The following RBFOX1 variants were observed in gnomAD, a reference collection of about 807,000 sequenced individuals.
The protein encoded by RBFOX1 is RNA binding fox-1 homolog 1.
A neutral mutation model predicts 57.7 loss-of-function variants in RBFOX1; 8 were observed. The ratio of observed to expected loss-of-function variants is 0.14; its 90% confidence interval spans 0.08 to 0.25. The LOEUF (loss-of-function observed/expected upper bound fraction) is 0.25, where lower values mean the gene tolerates loss of function less well. Among genes scored for constraint, RBFOX1 ranks in the 10% least tolerant of loss-of-function variants. The pLI, the probability that RBFOX1 is intolerant of heterozygous loss-of-function variation, is 1.00. For missense variants in RBFOX1, 611 were observed against 548.5 expected (o/e 1.11, Z -1.14); for synonymous variants, 326 against 222.4 (o/e 1.47, Z -4.15).
chr16:6,801,135 T>C (rs1009499111), intron 3 of RBFOX1, among the ~76,000 whole-genome samples: 3 of 150,720 alleles, frequency 2.0e-5, no homozygotes, highest in Admixed American at 6.6e-5. Flanking sequence ...ATTTCTGATA[T>C]GCTCCTAGGT....
chr16:6,919,362 C>A (rs1364970263), intron 3 of RBFOX1, among the ~76,000 whole-genome samples: 1 of 152,102 alleles, frequency 6.6e-6, no homozygotes, highest in Non-Finnish European at 1.5e-5. Context: ...TAATTCCTCA[C>A]AACAGCCCAG....
intron 3 of RBFOX1, among the ~76,000 whole-genome samples, chr16:6,745,163 A>G (rs538155354): frequency 6.6e-6 from 1 of 152,270 alleles, no homozygotes; most frequent in South Asian, 2.1e-4. Flanking sequence ...CCTGATATAT[A>G]TCAAATAAAT....
intron 3 of RBFOX1, among the ~76,000 whole-genome samples, chr16:5,817,647 T>A (rs891652987): frequency 6.0e-5 from 9 of 150,134 alleles, no homozygotes; most frequent in African/African-American, 9.8e-5. Flanking sequence ...TTCATGAAGA[T>A]GGGGCTGGAG....
At chr16:5,340,888 G>C (rs1184970526) in intron 1 of RBFOX1, among the ~76,000 whole-genome samples, 1 of 152,166 alleles carries the variant, frequency 6.6e-6, no homozygotes, top group Non-Finnish European at 1.5e-5. Flanking sequence ...AGGAGAGAAA[G>C]ACAGCTGGGT....
chr16:5,815,691 C>G (rs2055608932), intron 3 of RBFOX1, among the ~76,000 whole-genome samples: 1 of 152,156 alleles, frequency 6.6e-6, no homozygotes, highest in Admixed American at 6.5e-5. Context: ...TAATAGGTTT[C>G]TTTATTAAAA....
chr16:7,705,770 T>A (rs931984582), intron 14 of RBFOX1, among the ~76,000 whole-genome samples: 13 of 152,144 alleles, frequency 8.5e-5, no homozygotes, highest in African/African-American at 3.1e-4. Context: ...GAGACAAGAT[T>A]TATGGCTGTT....
intron 2 of RBFOX1, among the ~76,000 whole-genome samples, chr16:6,562,655 A>C (rs2097193538): frequency 6.6e-6 from 1 of 152,186 alleles, no homozygotes; most frequent in Non-Finnish European, 1.5e-5. Flanking sequence ...ACAAATGAGA[A>C]AGCAGCCATG....
Position 6,370,133 on chromosome 16 carries a change from C to T in RBFOX1, c.-64+53076C>T, listed in dbSNP as rs1003535867. On this transcript the variant is annotated intron_variant, in intron 2 of 15. Coordinates refer to ENST00000550418, the MANE Select transcript of RBFOX1 (RefSeq NM_018723.4). ...CAGCACTTTGGGAGGCCGAGGCAGG[C>T]GGATCATGAGATCAGGAGATCGAGA... Among the ~76,000 whole-genome samples the T allele has an allele frequency of 5.9e-5, 9 of 151,814 alleles. 1 individual carries two copies. The highest frequency in any genetic ancestry group is 4.2e-4 in the South Asian group (2 of 4,804).
intron 14 of RBFOX1, among the ~76,000 whole-genome samples, chr16:7,679,484 C>T (rs1418339225): frequency 6.6e-6 from 1 of 152,188 alleles, no homozygotes; most frequent in African/African-American, 2.4e-5. Flanking sequence ...TTTGGTAATG[C>T]TCACTGGTTG....
At chr16:6,357,594 C>G (rs534368462) in intron 2 of RBFOX1, among the ~76,000 whole-genome samples, 1 of 151,610 alleles carries the variant, frequency 6.6e-6, no homozygotes, top group African/African-American at 2.4e-5. Context: ...TGTCTCGCTC[C>G]CTCTTGCTCC....
intron 4 of RBFOX1, among the ~76,000 whole-genome samples, chr16:5,960,811 A>T (rs2059732930): frequency 6.6e-6 from 1 of 152,212 alleles, no homozygotes; most frequent in South Asian, 2.1e-4. Context: ...GCAGAATTGA[A>T]GCCAAGTGTC....
At chr16:7,237,257 C>T (rs2093814948) in intron 4 of RBFOX1, among the ~76,000 whole-genome samples, 2 of 152,182 alleles carry the variant, frequency 1.3e-5, no homozygotes, top group Admixed American at 6.5e-5. Flanking sequence ...ATCAGCTGGT[C>T]CCAGCGGGGA....
chr16:6,156,634 T>TG (rs1160078150), intron 1 of RBFOX1, among the ~76,000 whole-genome samples: 2 of 152,122 alleles, frequency 1.3e-5, no homozygotes, highest in Non-Finnish European at 2.9e-5. Flanking sequence ...TGCTGAGGGT[T>TG]GTGGGGGGAT....
chr16:6,706,080 G>A (rs1169275462), intron 3 of RBFOX1, among the ~76,000 whole-genome samples: 3 of 152,120 alleles, frequency 2.0e-5, no homozygotes, highest in South Asian at 2.1e-4. Context: ...CACCTTTCAC[G>A]CCTATTAAAA....
chr16:5,602,816 GTAA>G (rs1209857516), downstream of RBFOX1, among the ~76,000 whole-genome samples: 9 of 152,230 alleles, frequency 5.9e-5, no homozygotes, highest in African/African-American at 2.2e-4. Flanking sequence ...TAATGTAGTT[GTAA>G]TAATAGTACT....
At chr16:6,497,051 C>G (rs976785420) in intron 2 of RBFOX1, among the ~76,000 whole-genome samples, 2 of 152,198 alleles carry the variant, frequency 1.3e-5, no homozygotes, top group African/African-American at 4.8e-5. Flanking sequence ...ATATGAGGCT[C>G]TCAAACCTCT....
chr16:7,104,436 A>G (rs1599610002), intron 4 of RBFOX1, among the ~76,000 whole-genome samples: 1 of 152,130 alleles, frequency 6.6e-6, no homozygotes, highest in Non-Finnish European at 1.5e-5. Flanking sequence ...TCATCCTGAG[A>G]TGGAGGGAAA....
At chr16:6,531,559 A>C (rs545045881) in intron 2 of RBFOX1, among the ~76,000 whole-genome samples, 1 of 152,164 alleles carries the variant, frequency 6.6e-6, no homozygotes, top group Non-Finnish European at 1.5e-5. Flanking sequence ...TTTGGAAAAT[A>C]CCTATTGTTT....
chr16:5,889,156 A>G (rs1240400629), intron 4 of RBFOX1, among the ~76,000 whole-genome samples: 2 of 152,164 alleles, frequency 1.3e-5, no homozygotes, highest in Non-Finnish European at 2.9e-5. Flanking sequence ...AATGTGTGCC[A>G]TGGTGGTTTG....
Sources: gnomAD v4.1 joint callset for allele counts (sites outside exome capture counted in the v4.1 genomes callset) on GRCh38, gnomAD v4.1.1 for gene constraint, MANE v1.5 for transcripts, NCBI Gene and HGNC (gene_info 2026-07-23, HGNC 2026-07-21) for gene names.